The following CLEC16A variants were observed in gnomAD, a reference collection of about 807,000 sequenced individuals.
CLEC16A encodes protein CLEC16A.
Under a neutral mutation model 109.5 loss-of-function variants are expected in CLEC16A, and 51 were observed. That is an observed-to-expected ratio of 0.47 (90% CI 0.37 to 0.59). The LOEUF is 0.59. CLEC16A is among the 20% of genes least tolerant of loss of function. The probability of loss-of-function intolerance (pLI) is 0.00; values close to 1 mark genes in which losing one functional copy is unlikely to be tolerated. For synonymous variants in CLEC16A, 673 were observed against 564.2 expected, an observed-to-expected ratio of 1.19 and a Z score of -2.73; for missense variants, 1,339 against 1,394.0, an observed-to-expected ratio of 0.96 and a Z score of 0.63.
At chr16:11,055,737 G>T (rs1783997849) in intron 18 of CLEC16A, among the ~76,000 whole-genome samples, 1 of 151,538 alleles carries the variant, frequency 6.6e-6, no homozygotes. Context: ...ACCACGTCCA[G>T]CTGATTTTTT....
At chr16:10,989,748 G>T (rs1194551083) in intron 10 of CLEC16A, among the ~76,000 whole-genome samples, 1 of 152,156 alleles carries the variant, frequency 6.6e-6, no homozygotes, top group East Asian at 1.9e-4. Flanking sequence ...TGCCCAGCCG[G>T]ATACTCCCCC....
At chr16:11,065,926 A>G (rs2048730446) in intron 19 of CLEC16A, among the ~76,000 whole-genome samples, 1 of 152,220 alleles carries the variant, frequency 6.6e-6, no homozygotes, top group Non-Finnish European at 1.5e-5. Flanking sequence ...GCTTTCTCAC[A>G]GGGACATCTG....
At chr16:11,026,997 A>G (rs1022743001) in intron 13 of CLEC16A, 6 of 1,560,494 alleles carry the variant, frequency 3.8e-6, no homozygotes, top group Admixed American at 1.7e-5. Flanking sequence ...GGGGTTGCGC[A>G]TGATCAGTAG....
At chr16:11,156,834 A>G (rs2054543301) in intron 22 of CLEC16A, among the ~76,000 whole-genome samples, 1 of 151,642 alleles carries the variant, frequency 6.6e-6, no homozygotes, top group Non-Finnish European at 1.5e-5. Context: ...TGTGTCCCCC[A>G]TGTGCCATCC....
At chr16:11,047,174 G>T in intron 16 of CLEC16A, 118 bp from the exon 17 acceptor site, 1 of 614,818 alleles carries the variant, frequency 1.6e-6, no homozygotes, top group Non-Finnish European at 2.6e-6. Flanking sequence ...TGATTTACGA[G>T]AACTCACTAA....
chr16:11,129,787 G>A (rs1404994315), intron 22 of CLEC16A, among the ~76,000 whole-genome samples: 1 of 147,066 alleles, frequency 6.8e-6, no homozygotes, highest in Non-Finnish European at 1.5e-5. Context: ...TTTTGAGATG[G>A]AGTCTCTCTC....
intron 22 of CLEC16A, among the ~76,000 whole-genome samples, chr16:11,134,012 C>A (rs1445667687): frequency 6.6e-6 from 1 of 152,116 alleles, no homozygotes; most frequent in Non-Finnish European, 1.5e-5. Flanking sequence ...CTTGTTCGAG[C>A]TTCCCAATAG....
At chr16:11,117,660 CCA>C (rs376779006) in intron 19 of CLEC16A, among the ~76,000 whole-genome samples, 2 of 151,904 alleles carry the variant, frequency 1.3e-5, no homozygotes, top group Non-Finnish European at 2.9e-5. Flanking sequence ...AATACTTCTC[CCA>C]CACACACACA....
In CLEC16A at chr16:11,050,824, A is replaced by C. The variant is rs185439861; in HGVS notation, c.1867-689A>C. On this transcript the variant is annotated intron_variant, in intron 17 of 23. Coordinates refer to ENST00000409790, the MANE Select transcript of CLEC16A (RefSeq NM_015226.3). ...TGCCTGGCACTTAGTAGATGCTCCA[A>C]TAATGATTGTGTTATATTATCCCAG... 3.0e-3 allele frequency among the ~76,000 whole-genome samples: 453 copies of C among 152,336 alleles called. 5 individuals carry two copies. The highest frequency in any genetic ancestry group is 0.01 in the African/African-American group (430 of 41,570).
intron 1 of CLEC16A, among the ~76,000 whole-genome samples, chr16:10,950,075 A>G (rs2041644393): frequency 6.6e-6 from 1 of 152,164 alleles, no homozygotes; most frequent in Non-Finnish European, 1.5e-5. Context: ...ATTATTATAT[A>G]CTTCTCATCG....
chr16:10,983,947 G>C (rs574903222), intron 10 of CLEC16A, among the ~76,000 whole-genome samples: 3 of 148,042 alleles, frequency 2.0e-5, no homozygotes, highest in Non-Finnish European at 4.5e-5. Flanking sequence ...TCACTTATGC[G>C]GAGCCCAGGC....
chr16:11,039,724 C>T, intron 13 of CLEC16A, 30 bp from the exon 14 acceptor site: 1 of 1,576,572 alleles, frequency 6.3e-7, no homozygotes, highest in African/African-American at 1.3e-5. Context: ...GTCAGGAGGC[C>T]TCCACTTACA....
At chr16:11,060,714 C>G (rs558119387) in intron 18 of CLEC16A, among the ~76,000 whole-genome samples, 188 bp from the exon 19 acceptor site, 31 of 142,786 alleles carry the variant, frequency 2.2e-4, no homozygotes, top group Admixed American at 1.5e-3. Flanking sequence ...GGCTACTCCC[C>G]CTTTGATTTT....
intron 19 of CLEC16A, among the ~76,000 whole-genome samples, chr16:11,103,723 G>C (rs560410544): frequency 2.6e-5 from 4 of 151,924 alleles, no homozygotes; most frequent in Non-Finnish European, 2.9e-5. Context: ...TCACTTCTTT[G>C]GGCTCCCATG....
chr16:11,101,774 C>T (rs1269222882), intron 19 of CLEC16A, among the ~76,000 whole-genome samples: 1 of 151,992 alleles, frequency 6.6e-6, no homozygotes, highest in South Asian at 2.1e-4. Flanking sequence ...ATAAGTAGTT[C>T]GTGTACAAGT....
intron 22 of CLEC16A, among the ~76,000 whole-genome samples, chr16:11,143,318 C>G (rs1423996139): frequency 6.6e-6 from 1 of 152,162 alleles, no homozygotes; most frequent in Non-Finnish European, 1.5e-5. Flanking sequence ...GATATCATGC[C>G]AGTCCTCGTT....
intron 10 of CLEC16A, among the ~76,000 whole-genome samples, chr16:10,997,718 G>A (rs377234167): frequency 6.6e-5 from 10 of 152,310 alleles, no homozygotes; most frequent in African/African-American, 2.4e-4. Context: ...TCCAACCTCA[G>A]TATCTTCCTC....
At position 11,008,168 on chromosome 16, in the gene CLEC16A, C is replaced by A. The variant is rs60405469; in HGVS notation, c.1303+4863C>A. ...AGGCTGTCCCTTATATCCTAGGTAA[C>A]CAGCCAGGCATCTTTCCCCTTAGCC... On this transcript the variant is annotated intron_variant, in intron 11 of 23. Coordinates refer to ENST00000409790, the MANE Select transcript of CLEC16A (RefSeq NM_015226.3). Among the ~76,000 whole-genome samples the A allele has an allele frequency of 8.1e-3, 1,227 of 152,260 alleles. 8 individuals are homozygous for A. Among genetic ancestry groups the A allele is most frequent in the African/African-American group, 0.027 (1,128 of 41,536 alleles).
At position 11,137,712 on chromosome 16, in the gene CLEC16A, G is replaced by A. The variant is rs527391714; in HGVS notation, c.2641+11566G>A. On this transcript the variant is annotated intron_variant, in intron 22 of 23. Coordinates refer to ENST00000409790, the MANE Select transcript of CLEC16A (RefSeq NM_015226.3). The stretch of plus-strand genomic sequence containing the variant: ...TAGTCCCAGCTACTCAGGAGGCTGA[G>A]GCAGGAGAATTGCTTGGACCTGGCA... 2.0e-5 allele frequency among the ~76,000 whole-genome samples: 3 copies of A among 152,158 alleles called. No individual in the cohort carries two copies. In the South Asian group the frequency reaches 6.2e-4, roughly 32 times the overall value.
Sources: gnomAD v4.1 joint callset for allele counts (sites outside exome capture counted in the v4.1 genomes callset) on GRCh38, gnomAD v4.1.1 for gene constraint, MANE v1.5 for transcripts, NCBI Gene and HGNC (gene_info 2026-07-23, HGNC 2026-07-21) for gene names.